The following PRRX2 variants were observed in gnomAD, a reference collection of about 807,000 sequenced individuals.
The protein encoded by PRRX2 is paired mesoderm homeobox protein 2.
PRRX2 carries 11 observed loss-of-function variants against 18.0 expected under a neutral mutation model. The ratio of observed to expected loss-of-function variants is 0.61; its 90% CI spans 0.39 to 1.01. The LOEUF (loss-of-function observed/expected upper bound fraction) is 1.01. PRRX2 is among the 50% of genes least tolerant of loss of function. PRRX2 has a pLI of 0.01. For synonymous variants in PRRX2, 177 were observed against 154.8 expected, an observed-to-expected ratio of 1.14 and a Z score of -1.06; for missense variants, 387 against 351.0, an observed-to-expected ratio of 1.10 and a Z score of -0.82.
At chr9:129,718,697 T>C (rs1832746720) in intron 1 of PRRX2, 1 of 152,414 alleles carries the variant, frequency 6.6e-6, no homozygotes, top group Non-Finnish European at 1.5e-5. Context: ...CATCTGTCTT[T>C]AGGGCTCCTG....
chr9:129,673,070 G>A (rs924197055), intron 1 of PRRX2, among the ~76,000 whole-genome samples: 2 of 152,160 alleles, frequency 1.3e-5, no homozygotes, highest in African/African-American at 2.4e-5. Context: ...TTAAAGGTTT[G>A]CCAAGAAAAG....
At position 129,684,532 on chromosome 9, in the gene PRRX2, A is replaced by ACACACACC. The variant is rs1165343797; in HGVS notation, c.259+18407_259+18408insACACACCC. ...CACACACACACACACACCCACACACACCCCAACAGAAAAGAGACCAGAAAT... is the reference window on the plus strand; with the variant it reads ...CACACACACACACACACCCACACACACACACACCCCCCAACAGAAAAGAGACCAGAAAT... On this transcript the variant is annotated intron_variant, in intron 1 of 3. Coordinates refer to ENST00000372469, the MANE Select transcript of PRRX2 (RefSeq NM_016307.4). Among the ~76,000 whole-genome samples the ACACACACC allele has an allele frequency of 1.6e-3, 230 of 140,362 alleles. 3 individuals carry two copies. Among genetic ancestry groups the ACACACACC allele is most frequent in the African/African-American group, 5.1e-3 (180 of 34,982 alleles). The allele number at this position is 140,362 out of a possible 152,430, so 92.1% of individuals were successfully genotyped here. A position where few individuals can be genotyped will look rare whatever the true frequency, so the allele number is the denominator to read the frequency against.
At chr9:129,678,838 G>T (rs1832193081) in intron 1 of PRRX2, among the ~76,000 whole-genome samples, 1 of 152,208 alleles carries the variant, frequency 6.6e-6, no homozygotes. Context: ...TGGGAAGCCA[G>T]TGTGTGATAT....
rs546094707 is a variant in PRRX2 at position 129,696,325 on chromosome 9, A to T, written c.260-22906A>T. ...CACGGTGGCTCACGCCTGGAATCCC[A>T]GCACTTTGGGAGGCTGAGGCGGATG... On this transcript the variant is annotated intron_variant, in intron 1 of 3. Transcript: ENST00000372469. 5.3e-5 allele frequency among the ~76,000 whole-genome samples: 8 copies of T among 152,354 alleles called. No homozygotes were observed. The East Asian group carries it at 1.5e-3, about 29-fold the overall frequency.
intron 1 of PRRX2, among the ~76,000 whole-genome samples, chr9:129,684,457 CA>C (rs765667762): frequency 0.059 from 8,299 of 140,818 alleles, 445 homozygotes; most frequent in East Asian, 0.17. Flanking sequence ...CACACACACA[CA>C]CCCAACAGAA....
intron 1 of PRRX2, among the ~76,000 whole-genome samples, chr9:129,706,479 C>G (rs188377857): frequency 6.6e-6 from 1 of 152,210 alleles, no homozygotes; most frequent in East Asian, 1.9e-4. Flanking sequence ...AAGAGAATCG[C>G]TTGAACCTGG....
chr9:129,672,418 GA>G (rs879571993), intron 1 of PRRX2, among the ~76,000 whole-genome samples: 4 of 152,176 alleles, frequency 2.6e-5, no homozygotes, highest in African/African-American at 4.8e-5. Flanking sequence ...GGTGTGAGGT[GA>G]AGGTCACACC....
Position 129,722,409 on chromosome 9 carries a change from G to A in PRRX2, c.*57G>A, listed in dbSNP as rs1832805983. 2.6e-5 allele frequency: 42 copies of A among 1,591,842 alleles called. No homozygotes were observed. Among genetic ancestry groups the A allele is most frequent in the South Asian group, 2.0e-4 (18 of 88,502 alleles). ...CTGGGTGGACAGCAATAGAAAAGGGGGCAGACGCCCAGGAAGTGACCTTCT... is the reference window on the plus strand; with the variant it reads ...CTGGGTGGACAGCAATAGAAAAGGGAGCAGACGCCCAGGAAGTGACCTTCT... On this transcript the variant is annotated 3_prime_UTR_variant, in exon 4 of 4. Transcript: ENST00000372469.
intron 1 of PRRX2, among the ~76,000 whole-genome samples, chr9:129,673,995 C>G (rs1171682467): frequency 6.6e-6 from 1 of 152,098 alleles, no homozygotes; most frequent in Non-Finnish European, 1.5e-5. Flanking sequence ...GCAGAGCATC[C>G]CCAGCCTGGA....
intron 1 of PRRX2, among the ~76,000 whole-genome samples, chr9:129,694,671 A>G (rs1278936076): frequency 6.6e-6 from 1 of 152,178 alleles, no homozygotes; most frequent in Non-Finnish European, 1.5e-5. Flanking sequence ...GTGTGGCCTT[A>G]GAGAAGTCAC....
chr9:129,666,152 G>C, intron 1 of PRRX2, 26 bp downstream of exon 1: 1 of 1,008,222 alleles, frequency 9.9e-7, no homozygotes, highest in Non-Finnish European at 1.2e-6. Flanking sequence ...CAGGGACGGG[G>C]GTGGCGGGGC....
intron 1 of PRRX2, among the ~76,000 whole-genome samples, chr9:129,684,518 ACACACC>A (rs1158041824): frequency 0.031 from 1,199 of 38,384 alleles, 22 homozygotes; most frequent in African/African-American, 0.062. Context: ...ACACACACAC[ACACACC>A]CACACACACC....
At chr9:129,691,696 TG>T (rs1480721388) in intron 1 of PRRX2, among the ~76,000 whole-genome samples, 67 of 146,036 alleles carry the variant, frequency 4.6e-4, no homozygotes, top group Middle Eastern at 3.4e-3. Context: ...TTTTTTTTTT[TG>T]AGACAGGGTC....
intron 1 of PRRX2, among the ~76,000 whole-genome samples, chr9:129,684,510 A>AAAAGATAC (rs1564147422): frequency 1.8e-5 from 1 of 54,182 alleles, no homozygotes; most frequent in African/African-American, 5.2e-5. Context: ...ACACACACAC[A>AAAAGATAC]CACACACACA....
rs375122288 is a variant in PRRX2 at position 129,670,614 on chromosome 9, A to T, written c.259+4488A>T. Among the ~76,000 whole-genome samples the T allele has an allele frequency of 7.6e-4, 116 of 152,200 alleles. No homozygotes were observed. The South Asian group carries it at 0.023, about 31-fold the overall frequency. On this transcript the variant is annotated intron_variant, in intron 1 of 3. Coordinates refer to ENST00000372469, the MANE Select transcript of PRRX2 (RefSeq NM_016307.4). ...GGTCTTGAACTCCTGACCTCAGGTG[A>T]TCCACCCGTCTCAGCCTCCCAAAGT...
chr9:129,677,958 C>CTTTTTT (rs760645440), intron 1 of PRRX2, among the ~76,000 whole-genome samples: 41 of 113,068 alleles, frequency 3.6e-4, no homozygotes, highest in Non-Finnish European at 5.0e-4. Flanking sequence ...TTCTTTCTTT[C>CTTTTTT]TTTTTTTTTT....
chr9:129,677,597 C>T (rs183929412), intron 1 of PRRX2, among the ~76,000 whole-genome samples: 30 of 152,318 alleles, frequency 2.0e-4, no homozygotes, highest in Admixed American at 6.5e-4. Context: ...GACACTGGGC[C>T]GTGGCATGGT....
intron 1 of PRRX2, among the ~76,000 whole-genome samples, chr9:129,687,102 C>T (rs1832308038): frequency 6.6e-6 from 1 of 152,134 alleles, no homozygotes; most frequent in Admixed American, 6.5e-5. Context: ...TCCTACTTGG[C>T]TGAGGCAGGC....
At chr9:129,673,587 A>G (rs1308154705) in intron 1 of PRRX2, among the ~76,000 whole-genome samples, 1 of 152,030 alleles carries the variant, frequency 6.6e-6, no homozygotes, top group African/African-American at 2.4e-5. Flanking sequence ...GCATTTGGGA[A>G]CCACATGGTC....
Sources: allele counts gnomAD v4.1 joint callset (sites outside exome capture counted in the v4.1 genomes callset), GRCh38; gene constraint gnomAD v4.1.1; transcripts MANE v1.5; gene names NCBI Gene and HGNC (gene_info 2026-07-23, HGNC 2026-07-21).